The following TSPAN9 variants were observed in gnomAD, a reference collection of about 807,000 sequenced individuals.
TSPAN9 encodes tetraspanin-9.
TSPAN9 carries 16 observed loss-of-function variants against 31.0 expected under a neutral mutation model. The ratio of observed to expected loss-of-function variants is 0.52; its 90% CI spans 0.35 to 0.78. The LOEUF is 0.78. Ranked by LOEUF, TSPAN9 falls within the 30% of genes least tolerant of loss-of-function variation. The pLI is 0.01. For synonymous variants in TSPAN9, 145 were observed against 121.6 expected, an observed-to-expected ratio of 1.19 and a Z score of -1.27; for missense variants, 272 against 312.5, an observed-to-expected ratio of 0.87 and a Z score of 0.98.
At chr12:3,281,895 A>AGC (rs1205603965) in intron 8 of TSPAN9, 78 bp downstream of exon 8, 7 of 1,505,974 alleles carry the variant, frequency 4.6e-6, no homozygotes, top group Non-Finnish European at 6.4e-6. Flanking sequence ...GAGAAGTGAA[A>AGC]GCAGTGTTGG....
At chr12:3,150,613 C>G (rs960973536) in intron 2 of TSPAN9, among the ~76,000 whole-genome samples, 1 of 152,182 alleles carries the variant, frequency 6.6e-6, no homozygotes, top group Non-Finnish European at 1.5e-5. Context: ...CTTTTCTTCT[C>G]TGCCGTTGTA....
chr12:3,231,644 G>A (rs1026965950), intron 3 of TSPAN9, among the ~76,000 whole-genome samples: 1 of 152,222 alleles, frequency 6.6e-6, no homozygotes, highest in African/African-American at 2.4e-5. Context: ...GAATTGGCCA[G>A]TCCCCATGCC....
intron 2 of TSPAN9, among the ~76,000 whole-genome samples, chr12:3,104,193 C>T (rs1020632922): frequency 6.6e-5 from 10 of 152,020 alleles, no homozygotes; most frequent in African/African-American, 2.2e-4. Flanking sequence ...TCTAGGCCAT[C>T]TTAGGGGCTT....
intron 3 of TSPAN9, among the ~76,000 whole-genome samples, chr12:3,214,307 T>C (rs931523288): frequency 6.6e-6 from 1 of 152,248 alleles, no homozygotes; most frequent in African/African-American, 2.4e-5. Flanking sequence ...GAGTTTCTTC[T>C]GTCTCATAGG....
rs1223660035 is a variant in TSPAN9 at position 3,278,835 on chromosome 12, G to A, written c.256-157G>A. On this transcript the variant is annotated intron_variant, in intron 4 of 8. Coordinates refer to ENST00000011898, the MANE Select transcript of TSPAN9 (RefSeq NM_006675.5). ...CTCCCTGATTAGTCAGCTCCTTTAT[G>A]TCTCTGTCCTAGCTATCTGGGTTTC... Among the ~76,000 whole-genome samples the A allele has an allele frequency of 3.3e-5, 5 of 152,286 alleles. No individual in the cohort carries two copies. The East Asian group carries it at 9.6e-4, about 29-fold the overall frequency.
rs180890365 is a variant in TSPAN9 at position 3,131,760 on chromosome 12, T to A, written c.-18+48041T>A. On this transcript the variant is annotated intron_variant, in intron 2 of 8. Coordinates refer to ENST00000011898, the MANE Select transcript of TSPAN9 (RefSeq NM_006675.5). ...AAGTCCTCGCAATTTTTTAAAAACA[T>A]TTTTTTTCTTGTGGTAAAATACATA... 5.1e-3 allele frequency among the ~76,000 whole-genome samples: 707 copies of A among 139,612 alleles called. 7 individuals are homozygous for A. The highest frequency in any genetic ancestry group is 0.022 in the African/African-American group (666 of 29,786). The allele number at this position is 139,612 out of a possible 152,430, so 91.6% of individuals were successfully genotyped here.
At chr12:3,184,137 C>T (rs554656357) in intron 2 of TSPAN9, among the ~76,000 whole-genome samples, 19 of 152,236 alleles carry the variant, frequency 1.2e-4, no homozygotes, top group African/African-American at 4.3e-4. Context: ...CACCTGTAAT[C>T]CCAGCACTTT....
At chr12:3,215,772 C>T (rs1283705164) in intron 3 of TSPAN9, among the ~76,000 whole-genome samples, 2 of 152,170 alleles carry the variant, frequency 1.3e-5, no homozygotes, top group South Asian at 2.1e-4. Context: ...CTCCAGGCTC[C>T]GTGGTGGGCC....
intron 3 of TSPAN9, among the ~76,000 whole-genome samples, chr12:3,209,993 G>A (rs1033265036): frequency 4.2e-5 from 6 of 144,366 alleles, no homozygotes; most frequent in African/African-American, 1.3e-4. Flanking sequence ...AAAATTAGCC[G>A]GGTGTGGTGG....
chr12:3,259,805 C>A (rs1862414819), intron 3 of TSPAN9, among the ~76,000 whole-genome samples: 1 of 152,192 alleles, frequency 6.6e-6, no homozygotes, highest in African/African-American at 2.4e-5. Flanking sequence ...CTCTGTTCCA[C>A]ATGTGAGCAA....
At chr12:3,084,881 G>A (rs112324440) in intron 2 of TSPAN9, among the ~76,000 whole-genome samples, 5 of 152,286 alleles carry the variant, frequency 3.3e-5, no homozygotes, top group African/African-American at 1.2e-4. Flanking sequence ...ACTGACTCTG[G>A]GAATCCGCTC....
chr12:3,232,353 T>C (rs2098391182), intron 3 of TSPAN9, among the ~76,000 whole-genome samples: 1 of 152,120 alleles, frequency 6.6e-6, no homozygotes, highest in African/African-American at 2.4e-5. Flanking sequence ...AGTTTAATTT[T>C]TTACCCCACT....
chr12:3,267,461 T>A (rs781110457), intron 3 of TSPAN9, among the ~76,000 whole-genome samples: 13 of 152,138 alleles, frequency 8.5e-5, no homozygotes, highest in Non-Finnish European at 8.8e-5. Context: ...GGGCTCCAAG[T>A]CCTGAGGTCT....
intron 2 of TSPAN9, among the ~76,000 whole-genome samples, chr12:3,112,968 AC>A (rs1425989157): frequency 6.6e-6 from 1 of 152,142 alleles, no homozygotes; most frequent in African/African-American, 2.4e-5. Flanking sequence ...TTATAGGAAT[AC>A]ACCATTGTGC....
At chr12:3,096,107 TC>T (rs1468946029) in intron 2 of TSPAN9, among the ~76,000 whole-genome samples, 1 of 151,964 alleles carries the variant, frequency 6.6e-6, no homozygotes, top group African/African-American at 2.4e-5. Context: ...AACTCCATCC[TC>T]CCGGCGGTCG....
intron 2 of TSPAN9, among the ~76,000 whole-genome samples, chr12:3,165,665 G>A (rs1290550214): frequency 6.6e-6 from 1 of 152,166 alleles, no homozygotes; most frequent in African/African-American, 2.4e-5. Context: ...TGGGAGGGAG[G>A]CGCCTCTGCT....
chr12:3,206,709 C>T (rs117495919), intron 3 of TSPAN9, among the ~76,000 whole-genome samples: 2,046 of 152,150 alleles, frequency 0.013, 24 homozygotes, highest in South Asian at 0.039. Context: ...TGCCGTAAGC[C>T]GGGACTTTGA....
At chr12:3,242,021 G>A (rs561861048) in intron 3 of TSPAN9, among the ~76,000 whole-genome samples, 55 of 152,346 alleles carry the variant, frequency 3.6e-4, no homozygotes, top group African/African-American at 1.2e-3. Context: ...CCTCTGAGTG[G>A]GGTCAGCGAA....
chr12:3,102,680 G>A lies in TSPAN9; in HGVS notation c.-18+18961G>A, dbSNP rs915023580. 5.3e-5 allele frequency among the ~76,000 whole-genome samples: 8 copies of A among 152,114 alleles called. No individual in the cohort carries two copies. In the South Asian group the frequency reaches 1.5e-3, roughly 28 times the overall value. Reference sequence around the variant, plus strand: ...TCTCGATCTCCTGACCTCGTGATCCGACCGCCTCGGCCTTCCAAAGTGCTG... The same window carrying A: ...TCTCGATCTCCTGACCTCGTGATCCAACCGCCTCGGCCTTCCAAAGTGCTG... On this transcript the variant is annotated intron_variant, in intron 2 of 8. Transcript: ENST00000011898.
Sources: gnomAD v4.1 joint callset for allele counts (sites outside exome capture counted in the v4.1 genomes callset) on GRCh38, gnomAD v4.1.1 for gene constraint, MANE v1.5 for transcripts, NCBI Gene and HGNC (gene_info 2026-07-23, HGNC 2026-07-21) for gene names.